The following POTEI variants were observed in gnomAD, a reference collection of about 807,000 sequenced individuals.
The protein encoded by POTEI is POTE ankyrin domain family member I.
Under a neutral mutation model 43.4 loss-of-function variants are expected in POTEI, and 14 were observed. The observed-to-expected ratio is 0.32, with a 90% CI of 0.21 to 0.50. The LOEUF (loss-of-function observed/expected upper bound fraction) is 0.50, where lower values mean the gene tolerates loss of function less well. Ranked by LOEUF, POTEI falls within the 20% of genes least tolerant of loss-of-function variation. The pLI is 0.98. For synonymous variants in POTEI, 95 were observed against 297.9 expected (o/e 0.32, Z 7.01); for missense variants, 235 against 795.4 (o/e 0.30, Z 8.47).
Position 130,461,461 on chromosome 2 carries a change from C to T in POTEI, c.*1355G>A, listed in dbSNP as rs1348441272. On this transcript the variant is annotated 3_prime_UTR_variant, in exon 15 of 15. Coordinates refer to ENST00000451531, the MANE Select transcript of POTEI (RefSeq NM_001277406.2). ...GTCAGGGACTGACGTAAACAAGAGTCTGGCCACGTTTTGGTAGCGTGGCTG... is the reference window on the plus strand; with the variant it reads ...GTCAGGGACTGACGTAAACAAGAGTTTGGCCACGTTTTGGTAGCGTGGCTG... The T allele has an allele frequency of 6.6e-6, 1 of 152,286 alleles. No homozygotes were observed. The highest frequency in any genetic ancestry group is 2.4e-5 in the African/African-American group (1 of 41,354). 9.4% of individuals were successfully genotyped at this position (152,286 alleles called of 1,614,324 possible). A position where few individuals can be genotyped will look rare whatever the true frequency, so the allele number is the denominator to read the frequency against.
chr2:130,480,495 T>G (rs1683374152), intron 10 of POTEI, among the ~76,000 whole-genome samples: 1 of 149,792 alleles, frequency 6.7e-6, no homozygotes, highest in Non-Finnish European at 1.5e-5. Flanking sequence ...TCTCATTAGA[T>G]GTTCCTTCTG....
intron 10 of POTEI, among the ~76,000 whole-genome samples, chr2:130,479,202 G>A: frequency 6.7e-6 from 1 of 148,246 alleles, no homozygotes; most frequent in Non-Finnish European, 1.5e-5. Context: ...CTGCCACTGG[G>A]AACATAAACA....
intron 13 of POTEI, among the ~76,000 whole-genome samples, chr2:130,471,236 T>C (rs376563617): frequency 0.093 from 537 of 5,788 alleles, 52 homozygotes; most frequent in African/African-American, 0.097. Context: ...CTCAGTTGTA[T>C]AAGATAGACT....
chr2:130,492,829 G>T (rs1037175375), intron 6 of POTEI, among the ~76,000 whole-genome samples: 6 of 143,914 alleles, frequency 4.2e-5, no homozygotes, highest in South Asian at 2.3e-4. Flanking sequence ...ACTAATAATT[G>T]TGAATTCAGA....
chr2:130,496,629 A>T lies in POTEI; in HGVS notation c.1056-7T>A. On this transcript the variant is annotated splice_polypyrimidine_tract_variant and splice_region_variant and intron_variant, in intron 5 of 14. Transcript: ENST00000451531. ...AGAAAGTAACTGGCAAATTCTATGT[A>T]TAAAAATGTAATAAACCAAATTACT... The T allele has an allele frequency of 1.6e-6, 2 of 1,229,360 alleles. No homozygotes were observed. Among genetic ancestry groups the T allele is most frequent in the South Asian group, 2.8e-5 (2 of 71,820 alleles). 76.2% of individuals were successfully genotyped at this position (1,229,360 alleles called of 1,614,324 possible).
At position 130,509,122 on chromosome 2, in the gene POTEI, G is replaced by T. The variant is rs548772249; in HGVS notation, c.114C>A (p.Ser38Arg). ...CRHCFPCCRG[S>R]GKSNVGTSGD... is the part of the protein sequence containing the mutation. ...CAGAAGTGCCCACGTTGCTCTTGCC[G>T]CTCCCCCTGCAGCAGGGGAAGCAGT... Residue 38 changes from serine to arginine, a missense_variant, in exon 1 of 15, where the codon AGC becomes AGA. Transcript: ENST00000451531. 2.6e-6 allele frequency: 4 copies of T among 1,509,984 alleles called. 1 individual carries two copies. Among genetic ancestry groups the T allele is most frequent in the South Asian group, 1.2e-5 (1 of 85,946 alleles). 93.5% of individuals were successfully genotyped at this position (1,509,984 alleles called of 1,614,324 possible).
Position 130,464,202 on chromosome 2 carries a change from C to A in POTEI, c.1900-58G>T, listed in dbSNP as rs567739916. On this transcript the variant is annotated intron_variant, in intron 14 of 14. Transcript: ENST00000451531. ...TCAATAGATTGACATATCATTATTT[C>A]TTCTGAAATTCAAAAATAACATGTA... 73 of 80,550 alleles carry A rather than the reference C, an allele frequency of 9.1e-4. 2 individuals are homozygous for A. Among genetic ancestry groups the A allele is most frequent in the African/African-American group, 2.2e-3 (67 of 30,328 alleles). 5.0% of individuals were successfully genotyped at this position (80,550 alleles called of 1,614,324 possible).
At chr2:130,475,758 C>G (rs369960317) in intron 11 of POTEI, among the ~76,000 whole-genome samples, 1 of 14,192 alleles carries the variant, frequency 7.0e-5, no homozygotes, top group Admixed American at 1.2e-3. Context: ...CTGAGGTCAA[C>G]GAGAGACCAC....
rs1355246273 is a variant in POTEI at position 130,461,542 on chromosome 2, C to T, written c.*1274G>A. ...GTCAGCTTGGGCTCTCCAAAGCCCG[C>T]AGGCCAGAATGGCTAGTCACCGAAA... On this transcript the variant is annotated 3_prime_UTR_variant, in exon 15 of 15. Coordinates refer to ENST00000451531, the MANE Select transcript of POTEI (RefSeq NM_001277406.2). 2 of 152,244 alleles carry T rather than the reference C, an allele frequency of 1.3e-5. No homozygotes were observed. Among genetic ancestry groups the T allele is most frequent in the Non-Finnish European group, 2.9e-5 (2 of 68,058 alleles). 9.4% of individuals were successfully genotyped at this position (152,244 alleles called of 1,614,324 possible). A position where few individuals can be genotyped will look rare whatever the true frequency, so the allele number is the denominator to read the frequency against.
chr2:130,482,438 C>G (rs1683423351), intron 9 of POTEI, among the ~76,000 whole-genome samples: 1 of 150,300 alleles, frequency 6.7e-6, no homozygotes, highest in Admixed American at 6.6e-5. Flanking sequence ...AAAGTGAGGA[C>G]TACGCTGCCT....
Position 130,483,859 on chromosome 2 carries a change from G to A in POTEI, c.1410-1786C>T, listed in dbSNP as rs186760624. Among the ~76,000 whole-genome samples, 20 of 150,804 alleles carry A rather than the reference G, an allele frequency of 1.3e-4. No individual in the cohort carries two copies. The East Asian group carries it at 3.6e-3, about 27-fold the overall frequency. On this transcript the variant is annotated intron_variant, in intron 9 of 14. Transcript: ENST00000451531. ...GCCTCCCAAAGTGCTGTGATTACAG[G>A]TGTGAGCCACCATGCCCGACCTACG...
Position 130,509,239 on chromosome 2 carries a change from C to G in POTEI, c.-4G>C. 1 of 1,330,688 alleles carries G rather than the reference C, an allele frequency of 7.5e-7. No homozygotes were observed. Among genetic ancestry groups the G allele is most frequent in the Non-Finnish European group, 1.0e-6 (1 of 977,882 alleles). 82.4% of individuals were successfully genotyped at this position (1,330,688 alleles called of 1,614,324 possible). A position where few individuals can be genotyped will look rare whatever the true frequency, so the allele number is the denominator to read the frequency against. On this transcript the variant is annotated 5_prime_UTR_variant, in exon 1 of 15. Transcript: ENST00000451531. The stretch of plus-strand genomic sequence containing the variant: ...TTGAATCAACCTCAGCTACCATCTG[C>G]TTTTAACAGCCTGGGGAGGCCGGTA...
At chr2:130,468,970 G>C (rs1682956926) in intron 13 of POTEI, among the ~76,000 whole-genome samples, 1 of 151,028 alleles carries the variant, frequency 6.6e-6, no homozygotes, top group African/African-American at 2.4e-5. Context: ...TAAAAACACA[G>C]AATATGACTA....
At chr2:130,507,339 T>C (rs59372751) in intron 1 of POTEI, among the ~76,000 whole-genome samples, 8 of 77,942 alleles carry the variant, frequency 1.0e-4, no homozygotes, top group Non-Finnish European at 1.5e-4. Context: ...CACACACACA[T>C]ATATATGTAT....
chr2:130,467,608 T>A (rs1898766), intron 13 of POTEI, among the ~76,000 whole-genome samples: 141,338 of 149,994 alleles, frequency 0.94, 66,466 homozygotes, highest in East Asian at 1. Context: ...AACAAAAATG[T>A]AAATAAATAA....
intron 9 of POTEI, among the ~76,000 whole-genome samples, chr2:130,486,640 T>C (rs1573926876): frequency 1.1e-5 from 1 of 89,178 alleles, no homozygotes. Flanking sequence ...TGCACACCTA[T>C]GGTCCCAACT....
chr2:130,492,821 T>G (rs1447682556), intron 6 of POTEI, among the ~76,000 whole-genome samples: 1 of 141,888 alleles, frequency 7.0e-6, no homozygotes, highest in Non-Finnish European at 1.5e-5. Context: ...TGAATTTAAC[T>G]AATAATTGTG....
intron 9 of POTEI, among the ~76,000 whole-genome samples, chr2:130,483,884 G>A (rs1196405100): frequency 1.3e-5 from 2 of 150,462 alleles, no homozygotes; most frequent in African/African-American, 4.9e-5. Context: ...CCCGACCTAC[G>A]GCAAACATTT....
chr2:130,509,102 G>T lies in POTEI; in HGVS notation c.134C>A (p.Thr45Asn), dbSNP rs1247335383. 1.3e-6 allele frequency: 2 copies of T among 1,534,418 alleles called. No homozygotes were observed. Among genetic ancestry groups the T allele is most frequent in the Non-Finnish European group, 8.7e-7 (1 of 1,150,356 alleles). ...AGTGGAGTCGTCCTGGTCTCCAGAA[G>T]TGCCCACGTTGCTCTTGCCGCTCCC... ...CRGSGKSNVG[T>N]SGDQDDSTMK... is the part of the protein sequence containing the mutation. Residue 45 changes from threonine to asparagine, a missense_variant, in exon 1 of 15, where the codon ACT becomes AAT. Coordinates refer to ENST00000451531, the MANE Select transcript of POTEI (RefSeq NM_001277406.2).
Sources: gnomAD v4.1 joint callset for allele counts (sites outside exome capture counted in the v4.1 genomes callset) on GRCh38, gnomAD v4.1.1 for gene constraint, MANE v1.5 for transcripts, NCBI Gene and HGNC (gene_info 2026-07-23, HGNC 2026-07-21) for gene names.